The following STAT5A variants were observed in gnomAD, a reference collection of about 807,000 sequenced individuals.
STAT5A encodes epididymis secretory sperm binding protein.
STAT5A carries 26 observed loss-of-function variants against 100.2 expected under a neutral mutation model. That is an observed-to-expected ratio of 0.26 (90% confidence interval 0.19 to 0.36). The LOEUF is 0.36. Among genes scored for constraint, STAT5A ranks in the 10% least tolerant of loss-of-function variants. The pLI is 1.00. For missense variants in STAT5A, 634 were observed against 1,027.5 expected, an observed-to-expected ratio of 0.62 and a Z score of 5.24; for synonymous variants, 330 against 424.3, an observed-to-expected ratio of 0.78 and a Z score of 2.73.
intron 3 of STAT5A, 114 bp downstream of exon 3, chr17:42,290,136 A>G (rs1438277579): frequency 1.5e-6 from 2 of 1,348,690 alleles, no homozygotes; most frequent in African/African-American, 3.0e-5. Context: ...CCACGAACTT[A>G]TTGGGAACTT....
chr17:42,303,402 A>G (rs539708706), intron 9 of STAT5A, among the ~76,000 whole-genome samples: 103 of 152,098 alleles, frequency 6.8e-4, no homozygotes, highest in Non-Finnish European at 1.1e-3. Context: ...TAGACACTGG[A>G]AAAGAAGTTA....
intron 9 of STAT5A, among the ~76,000 whole-genome samples, chr17:42,302,849 A>G (rs1237134695): frequency 6.6e-6 from 1 of 151,952 alleles, no homozygotes; most frequent in Non-Finnish European, 1.5e-5. Context: ...CTAACTACCA[A>G]CTACTCTGAG....
At chr17:42,306,040 A>G in intron 12 of STAT5A, 2 of 867,078 alleles carry the variant, frequency 2.3e-6, no homozygotes, top group Non-Finnish European at 3.5e-6. Context: ...CACCCCCTGC[A>G]TCGGTTTTCT....
intron 3 of STAT5A, among the ~76,000 whole-genome samples, chr17:42,291,169 A>G (rs1316217492): frequency 6.6e-6 from 1 of 152,242 alleles, no homozygotes; most frequent in Non-Finnish European, 1.5e-5. Flanking sequence ...GATCCCTCGC[A>G]TGTGCAGTTC....
chr17:42,305,226 T>A (rs2081016815), intron 11 of STAT5A, among the ~76,000 whole-genome samples: 1 of 151,390 alleles, frequency 6.6e-6, no homozygotes, highest in African/African-American at 2.4e-5. Context: ...ATTGCGGCCA[T>A]GGGTGGTGGG....
intron 13 of STAT5A, 49 bp downstream of exon 13, chr17:42,306,496 T>TCA: frequency 6.4e-7 from 1 of 1,570,582 alleles, no homozygotes; most frequent in East Asian, 2.4e-5. Context: ...CGGGGTCTGT[T>TCA]GCTCCTCCAC....
At position 42,299,765 on chromosome 17, in the gene STAT5A, C is replaced by T. The variant is rs142186647; in HGVS notation, c.565C>T (p.Leu189=). 1,200 of 1,614,216 alleles carry T rather than the reference C, an allele frequency of 7.4e-4. 10 individuals carry two copies. In the African/African-American group the frequency reaches 0.014, roughly 19 times the overall value. Residue 189 remains leucine, a synonymous_variant, in exon 6 of 19, where the codon CTG becomes TTG. Transcript: ENST00000590949. The part of the protein sequence containing the change: ...SLRIQAQFAQ[L]AQLSPQERLS... ...CTCTCCTCTAGCTCAGTTTGCCCAG[C>T]TGGCCCAGCTGAGCCCCCAGGAGCG...
chr17:42,304,670 C>T lies in STAT5A; in HGVS notation c.1380+18C>T, dbSNP rs199882534. The T allele has an allele frequency of 1.6e-5, 26 of 1,613,448 alleles. No homozygotes were observed. Among genetic ancestry groups the T allele is most frequent in the Non-Finnish European group, 2.2e-5 (26 of 1,179,700 alleles). On this transcript the variant is annotated intron_variant, in intron 11 of 18. Transcript: ENST00000590949. The surrounding 1 kb of genome is among the most constrained non-coding windows in gnomAD (Gnocchi z 4.8). ...AGGTGAAGGTGAGACCCCCAGCCCT[C>T]CTGCCCCCACTGCTCCAGGTCACCC...
chr17:42,291,528 C>G (rs2080868507), intron 3 of STAT5A, among the ~76,000 whole-genome samples: 2 of 151,958 alleles, frequency 1.3e-5, no homozygotes, highest in African/African-American at 4.8e-5. Flanking sequence ...ACCAGCCTGA[C>G]CAACGTGGAG....
intron 2 of STAT5A, 107 bp downstream of exon 2, chr17:42,289,646 C>T: frequency 6.7e-7 from 1 of 1,487,754 alleles, no homozygotes; most frequent in Non-Finnish European, 9.0e-7. Flanking sequence ...CCTGCCTGTC[C>T]TTCTTTGTGC....
intron 9 of STAT5A, among the ~76,000 whole-genome samples, chr17:42,302,378 A>T (rs928211500): frequency 6.6e-6 from 1 of 151,918 alleles, no homozygotes; most frequent in African/African-American, 2.4e-5. Context: ...TTCTTGCAGG[A>T]TTAAAGAAAT....
At chr17:42,305,301 G>A (rs757280248) in intron 11 of STAT5A, among the ~76,000 whole-genome samples, 4 of 152,016 alleles carry the variant, frequency 2.6e-5, no homozygotes, top group East Asian at 3.9e-4. Flanking sequence ...TCAGGGGTTC[G>A]AGATCAACCT....
In STAT5A at chr17:42,304,859, G is replaced by T. The variant is rs993614448; in HGVS notation, c.1380+207G>T. On this transcript the variant is annotated intron_variant, in intron 11 of 18. Transcript: ENST00000590949. This position sits in a 1 kb window ranked among gnomAD's most constrained non-coding sequence, Gnocchi z 4.8. ...GGTTGTAGTTTTTGTTTGTTTGCTT[G>T]TGCCTACATTTTGCTGGGAGGGGCT... Among the ~76,000 whole-genome samples the T allele has an allele frequency of 1.3e-5, 2 of 152,186 alleles. No homozygotes were observed. The highest frequency in any genetic ancestry group is 4.8e-5 in the African/African-American group (2 of 41,442).
At chr17:42,298,169 C>CTT (rs879476739) in intron 5 of STAT5A, among the ~76,000 whole-genome samples, 3,266 of 146,734 alleles carry the variant, frequency 0.022, 134 homozygotes, top group African/African-American at 0.079. Context: ...ATAATGGATA[C>CTT]TTTTTTTTTT....
In STAT5A at chr17:42,304,380, T is replaced by C. The variant is rs142128597; in HGVS notation, c.1208T>C (p.Met403Thr). 3 of 1,614,102 alleles carry C rather than the reference T, an allele frequency of 1.9e-6. No homozygotes were observed. The highest frequency in any genetic ancestry group is 1.3e-5 in the African/African-American group (1 of 74,940). The change falls in exon 10 of 19, where the codon ATG becomes ACG. Residue 403 changes from methionine (M) to threonine (T), a missense_variant. By Grantham distance (81) the Met-to-Thr change is moderately conservative. This residue lies in a region of STAT5A where 210 missense variants were observed against 428.4 expected (regional missense o/e 0.49). Transcript: ENST00000590949. The surrounding 1 kb of genome is among the most constrained non-coding windows in gnomAD (Gnocchi z 4.8). ...GAGATCCTGAACAACTGCTGCGTGA[T>C]GGAGTACCACCAAGCCACGGGCACC... is the stretch of plus-strand genomic sequence containing the variant. ...SGEILNNCCV[M>T]EYHQATGTLS...
At chr17:42,289,718 G>C in intron 2 of STAT5A, 148 bp from the exon 3 acceptor site, 1 of 1,375,908 alleles carries the variant, frequency 7.3e-7, no homozygotes, top group South Asian at 1.5e-5. Flanking sequence ...TTTTAGACTC[G>C]GATGTCTGTG....
chr17:42,307,068 C>T (rs999214129), intron 13 of STAT5A, among the ~76,000 whole-genome samples: 1 of 152,118 alleles, frequency 6.6e-6, no homozygotes, highest in African/African-American at 2.4e-5. Flanking sequence ...GAAGACCCAT[C>T]CATTCTCTGT....
In STAT5A at chr17:42,307,639, A is replaced by G. The variant is rs759189698; in HGVS notation, c.1822A>G (p.Ile608Val). The change falls in exon 15 of 19, where the codon ATC becomes GTC. Residue 608 changes from isoleucine to valine, a missense_variant. Transcript: ENST00000590949. ...VNKQQAHDLL[I>V]NKPDGTFLLR... ...TAAGCAACAGGCCCACGACCTGCTCATCAACAAGCCCGACGGGACCTTCTT... is the reference window on the plus strand; with the variant it reads ...TAAGCAACAGGCCCACGACCTGCTCGTCAACAAGCCCGACGGGACCTTCTT... 1.2e-6 allele frequency: 2 copies of G among 1,614,020 alleles called. No homozygotes were observed. Among genetic ancestry groups the G allele is most frequent in the African/African-American group, 2.7e-5 (2 of 74,902 alleles).
intron 5 of STAT5A, among the ~76,000 whole-genome samples, chr17:42,298,723 G>A (rs1254953408): frequency 1.1e-4 from 16 of 152,092 alleles, no homozygotes; most frequent in East Asian, 3.9e-4. Flanking sequence ...ACCTGACCTC[G>A]TGATCTGCCC....
Sources: allele counts gnomAD v4.1 joint callset (sites outside exome capture counted in the v4.1 genomes callset), GRCh38; gene constraint gnomAD v4.1.1; regional missense constraint gnomAD v4.1.1; non-coding constraint Gnocchi (gnomAD v3.1); transcripts MANE v1.5; gene names NCBI Gene and HGNC (gene_info 2026-07-23, HGNC 2026-07-21).